RIMS1: variants seen among roughly 807,000 people sequenced by gnomAD.
RIMS1 encodes regulating synaptic membrane exocytosis protein 1.
In RIMS1, 83 loss-of-function variants were observed where a neutral mutation model predicts 214.1. The ratio of observed to expected loss-of-function variants is 0.39; its 90% CI spans 0.32 to 0.47. The LOEUF (loss-of-function observed/expected upper bound fraction) is 0.47. Ranked by LOEUF, RIMS1 falls within the 20% of genes least tolerant of loss-of-function variation. The pLI is 0.99. For synonymous variants in RIMS1, 793 were observed against 786.8 expected (o/e 1.01, Z -0.13); for missense variants, 2,050 against 2,161.8 (o/e 0.95, Z 1.03).
chr6:72,217,391 T>G (rs2056620988), intron 6 of RIMS1: 1 of 636,724 alleles, frequency 1.6e-6, no homozygotes, highest in African/African-American at 1.9e-5. Flanking sequence ...ATATGTAATT[T>G]TAGGATGCAA....
At chr6:72,164,263 G>A (rs928535934) in intron 4 of RIMS1, among the ~76,000 whole-genome samples, 29 of 152,178 alleles carry the variant, frequency 1.9e-4, no homozygotes, top group African/African-American at 6.5e-4. Flanking sequence ...GGGTGGGAGT[G>A]ACCCGATTTT....
intron 28 of RIMS1, among the ~76,000 whole-genome samples, chr6:72,330,285 G>A (rs2096615121): frequency 6.6e-6 from 1 of 151,738 alleles, no homozygotes; most frequent in Admixed American, 6.6e-5. Context: ...TGAAATGTTA[G>A]GGACAAAGCC....
chr6:72,186,276 C>T (rs900932470), intron 6 of RIMS1, among the ~76,000 whole-genome samples: 2 of 152,196 alleles, frequency 1.3e-5, no homozygotes, highest in Non-Finnish European at 2.9e-5. Context: ...TGGGTAGTAA[C>T]TTTGAGGTAA....
At chr6:72,013,044 GT>G (rs1811398250) in intron 2 of RIMS1, among the ~76,000 whole-genome samples, 1 of 152,140 alleles carries the variant, frequency 6.6e-6, no homozygotes, top group South Asian at 2.1e-4. Flanking sequence ...CACTACTTTA[GT>G]TTTTGGTTTC....
At position 72,026,469 on chromosome 6, in the gene RIMS1, CT is replaced by C. The variant is rs1158041462; in HGVS notation, c.245+57416del. Among the ~76,000 whole-genome samples, 10 of 106,672 alleles carry C rather than the reference CT, an allele frequency of 9.4e-5. No homozygotes were observed. In the East Asian group the frequency reaches 2.1e-3, roughly 22 times the overall value. The allele number at this position is 106,672 out of a possible 152,430, so 70.0% of individuals were successfully genotyped here. ...CCCCCAGCACCGCCCCCCCCCCCAA[CT>C]TTTTTTTTTCAAACTATTCTTTTTG... is the stretch of plus-strand genomic sequence containing the variant. On this transcript the variant is annotated intron_variant, in intron 2 of 33. Coordinates refer to ENST00000521978, the MANE Select transcript of RIMS1 (RefSeq NM_014989.7).
chr6:72,291,924 T>C lies in RIMS1; in HGVS notation c.3738-10T>C. The C allele has an allele frequency of 6.5e-7, 1 of 1,550,124 alleles. No homozygotes were observed. Among genetic ancestry groups the C allele is most frequent in the African/African-American group, 1.4e-5 (1 of 73,118 alleles). ...CATTGTTTCATGCCCGCTTTGCTTT[T>C]TGCCTGCAGAATGCACCGACAGAGA... On this transcript the variant is annotated splice_polypyrimidine_tract_variant and intron_variant, in intron 25 of 33. Transcript: ENST00000521978.
At chr6:72,208,426 T>C (rs1235202249) in intron 6 of RIMS1, among the ~76,000 whole-genome samples, 1 of 152,200 alleles carries the variant, frequency 6.6e-6, no homozygotes, top group African/African-American at 2.4e-5. Flanking sequence ...AGATCAATTA[T>C]TAAAGTTACA....
chr6:72,357,638 C>T (rs73538237), intron 29 of RIMS1, among the ~76,000 whole-genome samples: 4,221 of 152,262 alleles, frequency 0.028, 206 homozygotes, highest in African/African-American at 0.095. Flanking sequence ...GTCTCTAATA[C>T]TTCCAAGCTC....
intron 1 of RIMS1, among the ~76,000 whole-genome samples, chr6:71,929,675 T>A (rs984309598): frequency 6.6e-6 from 1 of 151,994 alleles, no homozygotes; most frequent in Non-Finnish European, 1.5e-5. Flanking sequence ...TCTGGGTCAG[T>A]TCAGCACTAG....
chr6:72,078,185 T>C (rs761589673), intron 2 of RIMS1, among the ~76,000 whole-genome samples: 9 of 152,206 alleles, frequency 5.9e-5, no homozygotes, highest in Non-Finnish European at 1.2e-4. Context: ...GTGGTTATAG[T>C]AGGATTTAAA....
chr6:72,123,271 G>A (rs1362291048), intron 4 of RIMS1, among the ~76,000 whole-genome samples: 3 of 151,782 alleles, frequency 2.0e-5, no homozygotes, highest in African/African-American at 7.2e-5. Flanking sequence ...TTTCCATGTA[G>A]TTGAGCTGTT....
intron 22 of RIMS1, 174 bp downstream of exon 22, chr6:72,266,223 G>T: frequency 1.5e-6 from 1 of 651,148 alleles, no homozygotes; most frequent in South Asian, 1.7e-5. Context: ...TGCGTATGTG[G>T]ATAAACCCAA....
chr6:72,398,219 G>A (rs755616310), intron 31 of RIMS1, 30 bp from the exon 32 acceptor site: 5 of 1,419,332 alleles, frequency 3.5e-6, no homozygotes, highest in South Asian at 2.4e-5. Flanking sequence ...CAAAGAAGCT[G>A]AAACACATCT....
chr6:72,118,138 A>G (rs1346761441), intron 4 of RIMS1, among the ~76,000 whole-genome samples: 1 of 150,010 alleles, frequency 6.7e-6, no homozygotes, highest in Non-Finnish European at 1.5e-5. Flanking sequence ...CAAAGCTACT[A>G]TAAAAACCAT....
chr6:72,362,799 C>G (rs1464968484), intron 29 of RIMS1, among the ~76,000 whole-genome samples: 1 of 152,144 alleles, frequency 6.6e-6, no homozygotes, highest in Non-Finnish European at 1.5e-5. Context: ...TTCAGTTGTT[C>G]AATTCCATGT....
Position 72,160,106 on chromosome 6 carries a change from A to C in RIMS1, c.472-19469A>C, listed in dbSNP as rs1328795318. ...AGTTCTTCTTGAAGAGGTCCTTCAC[A>C]TCCCTCTTGGATTCCTAGGTATTTT... On this transcript the variant is annotated intron_variant, in intron 4 of 33. Transcript: ENST00000521978. 4.4e-4 allele frequency among the ~76,000 whole-genome samples: 10 copies of C among 22,592 alleles called. 1 individual carries two copies. The allele number at this position is 22,592 out of a possible 152,430, so 14.8% of individuals were successfully genotyped here. A position where few individuals can be genotyped will look rare whatever the true frequency, so the allele number is the denominator to read the frequency against.
chr6:72,184,199 G>A (rs978735134), intron 6 of RIMS1, among the ~76,000 whole-genome samples: 1 of 152,144 alleles, frequency 6.6e-6, no homozygotes, highest in Admixed American at 6.5e-5. Flanking sequence ...ATAATACCAT[G>A]AGACCCATAC....
chr6:72,043,096 A>T (rs1305035791), intron 2 of RIMS1, among the ~76,000 whole-genome samples: 1 of 151,614 alleles, frequency 6.6e-6, no homozygotes, highest in African/African-American at 2.4e-5. Flanking sequence ...AATTTTTGCC[A>T]TGTTTCAATT....
At chr6:71,909,989 T>C (rs1031623353) in intron 1 of RIMS1, among the ~76,000 whole-genome samples, 16 of 152,246 alleles carry the variant, frequency 1.1e-4, no homozygotes, top group Non-Finnish European at 1.5e-5. Flanking sequence ...TTGCTGTAAG[T>C]TAAATGGTCA....
Sources: allele counts gnomAD v4.1 joint callset (sites outside exome capture counted in the v4.1 genomes callset), GRCh38; gene constraint gnomAD v4.1.1; transcripts MANE v1.5; gene names NCBI Gene and HGNC (gene_info 2026-07-23, HGNC 2026-07-21).